The following DOCK10 variants were observed in gnomAD, a reference collection of about 807,000 sequenced individuals.
The protein encoded by DOCK10 is dedicator of cytokinesis 10.
A neutral mutation model predicts 280.1 loss-of-function variants in DOCK10; 145 were observed. The ratio of observed to expected loss-of-function variants is 0.52; its 90% CI spans 0.45 to 0.59. DOCK10 has a LOEUF of 0.59. Among genes scored for constraint, DOCK10 ranks in the 20% least tolerant of loss-of-function variants. DOCK10 has a pLI of 0.00. For synonymous variants in DOCK10, 915 were observed against 942.2 expected (o/e 0.97, Z 0.53); for missense variants, 2,368 against 2,651.7 (o/e 0.89, Z 2.35).
At chr2:224,852,788 G>T in intron 17 of DOCK10, 147 bp downstream of exon 17, 1 of 611,088 alleles carries the variant, frequency 1.6e-6, no homozygotes. Flanking sequence ...AAACTCATCA[G>T]TGCCTCTTAC....
At chr2:224,964,754 G>A (rs1704636409) in intron 1 of DOCK10, among the ~76,000 whole-genome samples, 1 of 152,140 alleles carries the variant, frequency 6.6e-6, no homozygotes, top group South Asian at 2.1e-4. Context: ...TTGGTAACAT[G>A]CCCTCAAAAA....
At chr2:224,846,442 G>T (rs993102859) in intron 19 of DOCK10, among the ~76,000 whole-genome samples, 1 of 150,408 alleles carries the variant, frequency 6.6e-6, no homozygotes, top group African/African-American at 2.4e-5. Flanking sequence ...TCTTGCATTT[G>T]TTGCCCAGAC....
Position 224,775,001 on chromosome 2 carries a change from T to C in DOCK10, c.5917A>G (p.Asn1973Asp). ...GTCTCGAAGACAAAGCGGTTGATGT[T>C]GTGGTGCATTTCGAAATCTGTCTTC... ...DRKTDFEMHHNINRFVFETPF... is the reference protein window; with the variant it reads ...DRKTDFEMHHDINRFVFETPF... Residue 1973 changes from asparagine to aspartate, a missense_variant, in exon 52 of 56, where the codon AAC (asparagine) becomes GAC (aspartate). Transcript: ENST00000258390. 1 of 1,613,828 alleles carries C rather than the reference T, an allele frequency of 6.2e-7. No homozygotes were observed. Among genetic ancestry groups the C allele is most frequent in the African/African-American group, 1.3e-5 (1 of 75,060 alleles).
rs999841806 is a variant in DOCK10 at position 224,778,239 on chromosome 2, G to T, written c.5701C>A (p.Pro1901Thr). ...EEGKEYIYKEPKLTGLSEISQ... is the reference protein window; with the variant it reads ...EEGKEYIYKETKLTGLSEISQ... The stretch of plus-strand genomic sequence containing the variant: ...ATCTCGGACAGACCTGTCAGCTTAG[G>T]CTCTTTATAAATATACTCTTTACCT... The change falls in exon 51 of 56, where the codon CCT becomes ACT. Residue 1901 changes from proline to threonine, a missense_variant. Coordinates refer to ENST00000258390, the MANE Select transcript of DOCK10 (RefSeq NM_014689.3). The T allele has an allele frequency of 1.2e-6, 2 of 1,609,568 alleles. No individual in the cohort carries two copies. The highest frequency in any genetic ancestry group is 1.7e-6 in the Non-Finnish European group (2 of 1,177,536).
chr2:224,994,060 G>A (rs540087783), intron 1 of DOCK10, among the ~76,000 whole-genome samples: 7 of 152,244 alleles, frequency 4.6e-5, no homozygotes, highest in African/African-American at 1.4e-4. Flanking sequence ...ATCACTACAT[G>A]TCTATGAATA....
chr2:224,944,003 T>A (rs1190500384), intron 1 of DOCK10, among the ~76,000 whole-genome samples: 1 of 152,226 alleles, frequency 6.6e-6, no homozygotes, highest in Non-Finnish European at 1.5e-5. Flanking sequence ...GACCTTGTGA[T>A]CCACTTGCCT....
chr2:225,028,557 C>T (rs1054718228), intron 1 of DOCK10, among the ~76,000 whole-genome samples: 7 of 152,116 alleles, frequency 4.6e-5, no homozygotes, highest in African/African-American at 1.2e-4. Context: ...GCTGTTTAAG[C>T]GCTAAGTTTA....
intron 42 of DOCK10, 140 bp from the exon 43 acceptor site, chr2:224,797,286 A>G: frequency 1.6e-6 from 1 of 627,000 alleles, no homozygotes; most frequent in South Asian, 3.0e-5. Flanking sequence ...TTCATTTGCA[A>G]GTGAGGAGGA....
At chr2:224,875,318 G>A (rs1411213764) in intron 8 of DOCK10, among the ~76,000 whole-genome samples, 1 of 152,152 alleles carries the variant, frequency 6.6e-6, no homozygotes, top group Non-Finnish European at 1.5e-5. Context: ...TAGACTAGGG[G>A]AACTTAAAGA....
At chr2:224,954,802 A>G (rs1173432571) in intron 1 of DOCK10, among the ~76,000 whole-genome samples, 2 of 152,210 alleles carry the variant, frequency 1.3e-5, no homozygotes, top group Non-Finnish European at 2.9e-5. Context: ...TTAAAAAGTA[A>G]TCAACTCCAA....
rs1698727054 is a variant in DOCK10, at chr2:224,877,704, G to A, written c.748-1483C>T. On this transcript the variant is annotated intron_variant, in intron 7 of 55. Transcript: ENST00000258390. The stretch of plus-strand genomic sequence containing the variant: ...TGAAATCTGTAGAAAGGAGAAATGG[G>A]CTATTGAAAGTTCAGGGAAGGACAT... Among the ~76,000 whole-genome samples, 2 of 152,154 alleles carry A rather than the reference G, an allele frequency of 1.3e-5. 1 individual carries two copies. The highest frequency in any genetic ancestry group is 4.1e-4 in the South Asian group (2 of 4,828).
rs995123046 is a variant in DOCK10 at position 224,796,444 on chromosome 2, T to C, written c.4828-18A>G. 117 of 1,482,556 alleles carry C rather than the reference T, an allele frequency of 7.9e-5. No individual in the cohort carries two copies. Among genetic ancestry groups the C allele is most frequent in the Non-Finnish European group, 1.0e-4 (109 of 1,087,372 alleles). 91.8% of individuals were successfully genotyped at this position (1,482,556 alleles called of 1,614,324 possible). On this transcript the variant is annotated intron_variant, in intron 43 of 55. Transcript: ENST00000258390. The stretch of plus-strand genomic sequence containing the variant: ...TTGATGAGCTAGAAAAGAAAAAAAA[T>C]GAACTCTCAAAAACAAGACCAGAAA...
rs1374550539 is a variant in DOCK10 at position 224,970,374 on chromosome 2, A to T, written c.124-38706T>A. Among the ~76,000 whole-genome samples the T allele has an allele frequency of 6.6e-6, 1 of 152,164 alleles. No homozygotes were observed. The highest frequency in any genetic ancestry group is 1.5e-5 in the Non-Finnish European group (1 of 68,028). On this transcript the variant is annotated intron_variant, in intron 1 of 55. Transcript: ENST00000258390. The surrounding 1 kb of genome is among the most constrained non-coding windows in gnomAD (Gnocchi z 4.6). ...AATCCCCACCATGCTGCAAATAAGG[A>T]CACTGAGGCTCAGGGAACTCAGGGA...
intron 24 of DOCK10, among the ~76,000 whole-genome samples, chr2:224,839,239 C>G (rs931388353): frequency 6.7e-6 from 1 of 150,302 alleles, no homozygotes; most frequent in Non-Finnish European, 1.5e-5. Flanking sequence ...CCACCACGCC[C>G]GGCTAATTTT....
chr2:224,863,593 C>G (rs570312590), intron 13 of DOCK10, among the ~76,000 whole-genome samples: 1 of 152,214 alleles, frequency 6.6e-6, no homozygotes, highest in African/African-American at 2.4e-5. Flanking sequence ...GCTGGGACTA[C>G]AGGCGCCCGC....
intron 1 of DOCK10, among the ~76,000 whole-genome samples, chr2:224,966,954 T>G (rs1704784513): frequency 6.6e-6 from 1 of 151,818 alleles, no homozygotes; most frequent in Non-Finnish European, 1.5e-5. Context: ...AGGCGGGAAT[T>G]ACACATGTTT....
intron 1 of DOCK10, among the ~76,000 whole-genome samples, chr2:225,030,861 A>T (rs531765360): frequency 6.6e-6 from 1 of 152,290 alleles, no homozygotes; most frequent in East Asian, 1.9e-4. Context: ...ATAATATTGT[A>T]CAAATATTAT....
At position 224,823,644 on chromosome 2, in the gene DOCK10, G is replaced by T; in HGVS notation, c.3040C>A (p.Pro1014Thr). 6.3e-7 allele frequency: 1 copy of T among 1,590,056 alleles called. No homozygotes were observed. ...GATTCAGGAAATCTCTGAGGCCGGGGAAGCTAAGGAAAGAACGGATTATAT... is the reference window on the plus strand; with the variant it reads ...GATTCAGGAAATCTCTGAGGCCGGGTAAGCTAAGGAAAGAACGGATTATAT... ...HLIDTNKIQL[P>T]RPQRFPESYQ... Residue 1014 changes from proline (P) to threonine (T), a missense_variant, in exon 28 of 56, where the codon CCC becomes ACC. Coordinates refer to ENST00000258390, the MANE Select transcript of DOCK10 (RefSeq NM_014689.3).
chr2:225,034,714 C>G (rs577378515), intron 1 of DOCK10, among the ~76,000 whole-genome samples: 1 of 152,116 alleles, frequency 6.6e-6, no homozygotes, highest in Non-Finnish European at 1.5e-5. Context: ...TTCAATAGCA[C>G]TTATATTACA....
Sources: allele counts gnomAD v4.1 joint callset (sites outside exome capture counted in the v4.1 genomes callset), GRCh38; gene constraint gnomAD v4.1.1; non-coding constraint Gnocchi (gnomAD v3.1); transcripts MANE v1.5; gene names NCBI Gene and HGNC (gene_info 2026-07-23, HGNC 2026-07-21).